NEDD4L: variants seen among roughly 807,000 people sequenced by gnomAD.
The protein encoded by NEDD4L is NEDD4 like E3 ubiquitin protein ligase.
A neutral mutation model predicts 148.9 loss-of-function variants in NEDD4L; 54 were observed. That is an observed-to-expected ratio of 0.36 (90% CI 0.29 to 0.45). The LOEUF is 0.45. Ranked by LOEUF, NEDD4L falls within the 20% of genes least tolerant of loss-of-function variation. The pLI, the probability that NEDD4L is intolerant of heterozygous loss-of-function variation, is 1.00. For synonymous variants in NEDD4L, 433 were observed against 440.7 expected, an observed-to-expected ratio of 0.98 and a Z score of 0.22; for missense variants, 856 against 1,233.8, an observed-to-expected ratio of 0.69 and a Z score of 4.59.
intron 19 of NEDD4L, among the ~76,000 whole-genome samples, chr18:58,363,610 A>G (rs1417747710): frequency 6.6e-6 from 1 of 152,176 alleles, no homozygotes. Context: ...TTGAATGACT[A>G]TAGTTAACTC....
At chr18:58,327,393 G>A (rs762207705) in intron 9 of NEDD4L, among the ~76,000 whole-genome samples, 10 of 152,134 alleles carry the variant, frequency 6.6e-5, no homozygotes, top group Non-Finnish European at 1.0e-4. Flanking sequence ...CACCACGCCC[G>A]GCTGAAAAAT....
chr18:58,062,583 C>T (rs1167693136), intron 1 of NEDD4L, among the ~76,000 whole-genome samples: 1 of 152,172 alleles, frequency 6.6e-6, no homozygotes, highest in Non-Finnish European at 1.5e-5. Flanking sequence ...TGGTAGCCAG[C>T]CTAGATGGGA....
At chr18:58,306,968 C>T (rs1178518357) in intron 5 of NEDD4L, among the ~76,000 whole-genome samples, 1 of 152,208 alleles carries the variant, frequency 6.6e-6, no homozygotes, top group Non-Finnish European at 1.5e-5. Flanking sequence ...GTGTTTGGCA[C>T]ATGATAGATG....
Position 58,156,412 on chromosome 18 carries a change from A to T in NEDD4L, c.49-9376A>T, listed in dbSNP as rs148625141. On this transcript the variant is annotated intron_variant, in intron 1 of 30. Coordinates refer to ENST00000400345, the MANE Select transcript of NEDD4L (RefSeq NM_001144967.3). ...CAATCTGCTTTTCACTATGAAATAG[A>T]TGGGAATTTTAATTATTCCTGCGCT... 2.0e-3 allele frequency among the ~76,000 whole-genome samples: 302 copies of T among 152,344 alleles called. 2 individuals carry two copies. Among genetic ancestry groups the T allele is most frequent in the Middle Eastern group, 0.01 (3 of 294 alleles).
intron 1 of NEDD4L, among the ~76,000 whole-genome samples, chr18:58,117,763 C>T (rs946456510): frequency 1.2e-4 from 18 of 152,118 alleles, no homozygotes; most frequent in African/African-American, 4.3e-4. Flanking sequence ...GTTCTGGAAT[C>T]GCTTATCAGC....
intron 5 of NEDD4L, among the ~76,000 whole-genome samples, chr18:58,269,932 A>G (rs990050286): frequency 6.6e-6 from 1 of 152,254 alleles, no homozygotes; most frequent in African/African-American, 2.4e-5. Flanking sequence ...AGAGCAGTCC[A>G]GTTGAATATT....
At chr18:58,301,316 G>C (rs2056428899) in intron 5 of NEDD4L, among the ~76,000 whole-genome samples, 1 of 152,190 alleles carries the variant, frequency 6.6e-6, no homozygotes, top group Non-Finnish European at 1.5e-5. Context: ...GTCATTAGAA[G>C]TTGAATTTTA....
intron 1 of NEDD4L, among the ~76,000 whole-genome samples, chr18:58,120,611 C>G (rs946175502): frequency 2.0e-5 from 3 of 152,044 alleles, no homozygotes; most frequent in Admixed American, 1.3e-4. Context: ...AACCCCGTCT[C>G]TACTAAAAAT....
intron 1 of NEDD4L, among the ~76,000 whole-genome samples, chr18:58,064,930 G>A (rs374678928): frequency 6.6e-6 from 1 of 152,082 alleles, no homozygotes; most frequent in African/African-American, 2.4e-5. Context: ...GCTTGATCCC[G>A]TTTCTTAAAA....
At chr18:58,282,926 TG>T (rs1347152094) in intron 5 of NEDD4L, among the ~76,000 whole-genome samples, 2 of 152,148 alleles carry the variant, frequency 1.3e-5, no homozygotes, top group Non-Finnish European at 2.9e-5. Flanking sequence ...ATACACAATC[TG>T]TGTCAGCAGG....
At chr18:58,297,670 G>T (rs2055845088) in intron 5 of NEDD4L, among the ~76,000 whole-genome samples, 1 of 152,110 alleles carries the variant, frequency 6.6e-6, no homozygotes, top group Non-Finnish European at 1.5e-5. Flanking sequence ...ACATGAAAAT[G>T]CCCCTGCAGA....
intron 5 of NEDD4L, among the ~76,000 whole-genome samples, chr18:58,293,968 C>G (rs2055158347): frequency 6.6e-6 from 1 of 152,216 alleles, no homozygotes. Flanking sequence ...AGTGATCCTT[C>G]CACCTTGGCT....
intron 28 of NEDD4L, 172 bp from the exon 29 acceptor site, chr18:58,390,474 T>A (rs2049663138): frequency 1.9e-6 from 1 of 530,780 alleles, no homozygotes; most frequent in African/African-American, 1.9e-5. Flanking sequence ...GTCTCTTAGA[T>A]TAGAGAGGCC....
intron 5 of NEDD4L, among the ~76,000 whole-genome samples, chr18:58,302,725 G>A (rs2056637330): frequency 6.6e-6 from 1 of 152,200 alleles, no homozygotes. Context: ...GATGGTCTTA[G>A]CCCCATTTTC....
At chr18:58,106,740 A>G (rs554530793) in intron 1 of NEDD4L, among the ~76,000 whole-genome samples, 5 of 152,336 alleles carry the variant, frequency 3.3e-5, no homozygotes, top group African/African-American at 1.2e-4. Flanking sequence ...GTCACATTTA[A>G]TCCTCAAAGC....
chr18:58,383,203 T>C (rs1209001463), intron 24 of NEDD4L, 43 bp from the exon 25 acceptor site: 2 of 985,334 alleles, frequency 2.0e-6, no homozygotes, highest in East Asian at 5.2e-5. Context: ...ATATGCAAGA[T>C]AACTTCGTGA....
At chr18:58,277,141 G>A (rs534489360) in intron 5 of NEDD4L, among the ~76,000 whole-genome samples, 59 of 152,208 alleles carry the variant, frequency 3.9e-4, no homozygotes, top group African/African-American at 1.3e-3. Flanking sequence ...GGCTGTGGAC[G>A]GGGAATCCTG....
chr18:58,142,581 A>G (rs530116484), intron 1 of NEDD4L, among the ~76,000 whole-genome samples: 3 of 152,360 alleles, frequency 2.0e-5, no homozygotes, highest in East Asian at 1.9e-4. Context: ...CTTAAGCTAG[A>G]TAAAAGAAGT....
chr18:58,174,350 A>G lies in NEDD4L; in HGVS notation c.122+8489A>G, dbSNP rs1725505277. 1.3e-5 allele frequency among the ~76,000 whole-genome samples: 2 copies of G among 152,112 alleles called. 1 individual carries two copies. Among genetic ancestry groups the G allele is most frequent in the South Asian group, 4.1e-4 (2 of 4,824 alleles). On this transcript the variant is annotated intron_variant, in intron 2 of 30. Transcript: ENST00000400345. ...ATCAGGAAAGGGTGGGCAGACAGGAACAGAAGTTCTCGCTCTGGTTCGTGG... is the reference window on the plus strand; with the variant it reads ...ATCAGGAAAGGGTGGGCAGACAGGAGCAGAAGTTCTCGCTCTGGTTCGTGG...
Sources: gnomAD v4.1 joint callset for allele counts (sites outside exome capture counted in the v4.1 genomes callset) on GRCh38, gnomAD v4.1.1 for gene constraint, MANE v1.5 for transcripts, NCBI Gene and HGNC (gene_info 2026-07-23, HGNC 2026-07-21) for gene names.